PTCHD1: variants seen among roughly 807,000 people sequenced by gnomAD.
PTCHD1 encodes patched domain-containing protein 1.
PTCHD1 carries 3 observed loss-of-function variants against 34.6 expected under a neutral mutation model. The ratio of observed to expected loss-of-function variants is 0.09; its 90% CI spans 0.04 to 0.22. The LOEUF (loss-of-function observed/expected upper bound fraction) is 0.22. Ranked by LOEUF, PTCHD1 falls within the 10% of genes least tolerant of loss-of-function variation. PTCHD1 has a pLI of 1.00. For missense variants in PTCHD1, 504 were observed against 685.5 expected (o/e 0.74, Z 2.96); for synonymous variants, 305 against 283.1 (o/e 1.08, Z -0.77).
chrX:23,358,498 GT>G (rs1398688660), intron 1 of PTCHD1, among the ~76,000 whole-genome samples: 2 of 111,769 alleles, frequency 1.8e-5, no homozygotes, highest in Non-Finnish European at 3.8e-5. Flanking sequence ...GGGGTTGTTT[GT>G]TTTTTTCTTG....
intron 1 of PTCHD1, among the ~76,000 whole-genome samples, chrX:23,349,847 G>A (rs1193028396): frequency 9.1e-6 from 1 of 109,676 alleles, no homozygotes; most frequent in Non-Finnish European, 1.9e-5. Context: ...TACATAATCC[G>A]ACTCTAATAA....
chrX:23,335,266 C>G (rs749830554), intron 1 of PTCHD1, 40 bp downstream of exon 1: 26 of 1,078,780 alleles, frequency 2.4e-5, no homozygotes, highest in Non-Finnish European at 3.3e-5. Flanking sequence ...GCCAGCGCCG[C>G]GGCCGCGGTC....
At chrX:23,365,050 A>G (rs1922102825) in intron 1 of PTCHD1, among the ~76,000 whole-genome samples, 1 of 111,761 alleles carries the variant, frequency 8.9e-6, no homozygotes, top group Admixed American at 9.5e-5. Context: ...CCAACAAGTG[A>G]TTAGCCTTAA....
intron 1 of PTCHD1, among the ~76,000 whole-genome samples, chrX:23,374,302 AAAAAAAAC>A (rs1156780129): frequency 4.0e-5 from 4 of 100,655 alleles, no homozygotes; most frequent in African/African-American, 7.0e-5. Flanking sequence ...AAAAAAAAAA[AAAAAAAAC>A]CCAAAACCCT....
rs772774925 is a variant in PTCHD1, at chrX:23,345,897, T to TA, written c.351+10673dup. 8.0e-5 allele frequency among the ~76,000 whole-genome samples: 9 copies of TA among 111,859 alleles called. No homozygotes were observed. The East Asian group carries it at 2.5e-3, about 32-fold the overall frequency. On this transcript the variant is annotated intron_variant, in intron 1 of 2. Transcript: ENST00000379361. ...ATCTGAATATCTGAAGTTTGCACTG[T>TA]AAGGCAAGCATGTTGAACAGAGGGC... is the stretch of plus-strand genomic sequence containing the variant.
Position 23,399,943 on chromosome X carries a change from G to A in PTCHD1, c.*5758G>A, listed in dbSNP as rs773453424. The A allele has an allele frequency of 1.8e-5, 2 of 111,761 alleles. No individual in the cohort carries two copies. The highest frequency in any genetic ancestry group is 7.6e-4 in the South Asian group (2 of 2,629). The allele number at this position is 111,761 out of a possible 1,213,427, so 9.2% of individuals were successfully genotyped here. A position where few individuals can be genotyped will look rare whatever the true frequency, so the allele number is the denominator to read the frequency against. ...ACATATAGAAGTGTGCCCTGTCAAA[G>A]AACCAGGAAGAGCAGCCTATTTCCA... On this transcript the variant is annotated 3_prime_UTR_variant, in exon 3 of 3. Coordinates refer to ENST00000379361, the MANE Select transcript of PTCHD1 (RefSeq NM_173495.3).
intron 2 of PTCHD1, among the ~76,000 whole-genome samples, chrX:23,387,669 C>T (rs1293152722): frequency 9.0e-6 from 1 of 111,701 alleles, no homozygotes; most frequent in Non-Finnish European, 1.9e-5. Context: ...TGACAAAAAC[C>T]TCGAGCTGCC....
chrX:23,401,993 G>A lies in PTCHD1; in HGVS notation c.*7808G>A, dbSNP rs1314050746. The A allele has an allele frequency of 8.9e-6, 1 of 112,295 alleles. No individual in the cohort carries two copies. The highest frequency in any genetic ancestry group is 1.9e-5 in the Non-Finnish European group (1 of 53,289). 9.3% of individuals were successfully genotyped at this position (112,295 alleles called of 1,213,427 possible). A position where few individuals can be genotyped will look rare whatever the true frequency, so the allele number is the denominator to read the frequency against. On this transcript the variant is annotated 3_prime_UTR_variant, in exon 3 of 3. Transcript: ENST00000379361. ...CAAAACGACAGAGATCTCTTCCAAG[G>A]TATGGAATTGTGGAAATTTATTTAG...
chrX:23,393,304 C>T lies in PTCHD1; in HGVS notation c.1786C>T (p.Arg596Trp), dbSNP rs771692181. 3.1e-5 allele frequency: 37 copies of T among 1,209,782 alleles called. No homozygotes were observed. The highest frequency in any genetic ancestry group is 8.9e-5 in the East Asian group (3 of 33,798). ...GTTTGAGAGCTATTTAAATTACCTT[C>T]GGAAACTCAATGTATCCACTGGCTT... is the stretch of plus-strand genomic sequence containing the variant. ...SWFESYLNYL[R>W]KLNVSTGLPK... Residue 596 changes from arginine (R) to tryptophan (W), a missense_variant, in exon 3 of 3, where the codon CGG becomes TGG. Arg to Trp is a moderately radical substitution (Grantham distance 101). Coordinates refer to ENST00000379361, the MANE Select transcript of PTCHD1 (RefSeq NM_173495.3).
chrX:23,372,719 C>G (rs979638046), intron 1 of PTCHD1, among the ~76,000 whole-genome samples: 14 of 111,809 alleles, frequency 1.3e-4, no homozygotes, highest in Non-Finnish European at 2.6e-4. Context: ...CTTTCCTTTG[C>G]CATTTGTCCA....
chrX:23,334,989 G>A lies in PTCHD1; in HGVS notation c.114G>A (p.Leu38=). The A allele has an allele frequency of 8.3e-7, 1 of 1,210,279 alleles. No homozygotes were observed. Among genetic ancestry groups the A allele is most frequent in the Non-Finnish European group, 1.1e-6 (1 of 894,740 alleles). Residue 38 remains leucine, a synonymous_variant, in exon 1 of 3, where the codon CTG becomes CTA. Transcript: ENST00000379361. ...CGGCGCCGGTGCTCATCTCCATCCT[G>A]CTCGGCGCCAGCTTCAGCCGCTACC... is the stretch of plus-strand genomic sequence containing the variant. ...FASAPVLISI[L]LGASFSRYQV...
Position 23,335,163 on chromosome X carries a change from C to G in PTCHD1, c.288C>G (p.Val96=). The G allele has an allele frequency of 8.3e-7, 1 of 1,212,005 alleles. No individual in the cohort carries two copies. The highest frequency in any genetic ancestry group is 1.1e-6 in the Non-Finnish European group (1 of 895,315). ...DLQTPGRYGR[V]IVTSFQKANM... ...AGACCCCCGGGCGCTACGGCCGGGT[C>G]ATCGTCACCTCCTTCCAGAAAGCCA... Residue 96 remains valine, a synonymous_variant, in exon 1 of 3, where the codon GTC becomes GTG. Transcript: ENST00000379361.
chrX:23,361,863 G>A (rs1206036987), intron 1 of PTCHD1, among the ~76,000 whole-genome samples: 29 of 111,422 alleles, frequency 2.6e-4, no homozygotes, highest in South Asian at 3.8e-4. Context: ...AAAATCTCTC[G>A]GCATTTGTTT....
chrX:23,380,618 C>T (rs1414965006), intron 2 of PTCHD1, among the ~76,000 whole-genome samples: 2 of 111,195 alleles, frequency 1.8e-5, no homozygotes, highest in Non-Finnish European at 3.8e-5. Flanking sequence ...CAGGAAGCAC[C>T]AGTATGGGAG....
intron 1 of PTCHD1, among the ~76,000 whole-genome samples, chrX:23,377,579 T>G (rs1264350493): frequency 1.1e-5 from 1 of 91,698 alleles, no homozygotes. Flanking sequence ...CCTAGGGGTG[T>G]GTGTGTGTGT....
chrX:23,396,345 G>A lies in PTCHD1; in HGVS notation c.*2160G>A, dbSNP rs1361237550. The A allele has an allele frequency of 2.7e-5, 3 of 112,237 alleles. No homozygotes were observed. In the South Asian group the frequency reaches 1.1e-3, roughly 42 times the overall value. 9.2% of individuals were successfully genotyped at this position (112,237 alleles called of 1,213,427 possible). ...AAGTACAGTCCTGACAAAAGGGCAAGTTTGCATAATAGATCTTCGATCAAT... is the reference window on the plus strand; with the variant it reads ...AAGTACAGTCCTGACAAAAGGGCAAATTTGCATAATAGATCTTCGATCAAT... On this transcript the variant is annotated 3_prime_UTR_variant, in exon 3 of 3. Transcript: ENST00000379361.
chrX:23,354,006 A>G (rs1405719825), intron 1 of PTCHD1, among the ~76,000 whole-genome samples: 1 of 111,651 alleles, frequency 9.0e-6, no homozygotes, highest in Non-Finnish European at 1.9e-5. Context: ...TTTTTAAAAT[A>G]CAGATATCTA....
At chrX:23,362,991 A>G (rs1922030998) in intron 1 of PTCHD1, among the ~76,000 whole-genome samples, 1 of 112,012 alleles carries the variant, frequency 8.9e-6, no homozygotes. Context: ...CAGAAGAGCA[A>G]ATATTGCTGC....
At chrX:23,353,695 A>G in intron 1 of PTCHD1, among the ~76,000 whole-genome samples, 1 of 112,721 alleles carries the variant, frequency 8.9e-6, no homozygotes, top group Middle Eastern at 4.6e-3. Flanking sequence ...CACGGGCTCC[A>G]TCATTTATTC....
Sources: gnomAD v4.1 joint callset for allele counts (sites outside exome capture counted in the v4.1 genomes callset) on GRCh38, gnomAD v4.1.1 for gene constraint, MANE v1.5 for transcripts, NCBI Gene and HGNC (gene_info 2026-07-23, HGNC 2026-07-21) for gene names.